SVIL: variants seen among roughly 807,000 people sequenced by gnomAD.
SVIL encodes supervillin.
In SVIL, 101 loss-of-function variants were observed where a neutral mutation model predicts 240.4. The observed-to-expected ratio is 0.42, with a 90% CI of 0.36 to 0.50. The LOEUF (loss-of-function observed/expected upper bound fraction) is 0.50, where lower values mean the gene tolerates loss of function less well. Among genes scored for constraint, SVIL ranks in the 20% least tolerant of loss-of-function variants. The pLI, the probability that SVIL is intolerant of heterozygous loss-of-function variation, is 0.01. For synonymous variants in SVIL, 999 were observed against 1,100.0 expected, an observed-to-expected ratio of 0.91 and a Z score of 1.82; for missense variants, 2,512 against 2,818.7, an observed-to-expected ratio of 0.89 and a Z score of 2.46.
chr10:29,721,709 A>G (rs897380596), intron 1 of SVIL, among the ~76,000 whole-genome samples: 3 of 152,354 alleles, frequency 2.0e-5, no homozygotes, highest in Admixed American at 6.5e-5. Context: ...ATCCAAATAC[A>G]TGAAGCAAAA....
At chr10:29,597,665 G>T (rs1233895792) in intron 1 of SVIL, among the ~76,000 whole-genome samples, 1 of 152,112 alleles carries the variant, frequency 6.6e-6, no homozygotes, top group Admixed American at 6.5e-5. Flanking sequence ...CTCCCAAAGT[G>T]CTGGGATTAC....
rs938488084 is a variant in SVIL, at chr10:29,529,781, C to G, written c.2170G>C (p.Glu724Gln). ...PKRRSRNTAV[E>Q]QRLRRLQDRS... ...TCCTGCAGACGGCGTAGCCTCTGCTCCACAGCTGTGTTTCTTGAGCGTCGC... is the reference window on the plus strand; with the variant it reads ...TCCTGCAGACGGCGTAGCCTCTGCTGCACAGCTGTGTTTCTTGAGCGTCGC... The change falls in exon 12 of 38, where the codon GAG (glutamate) becomes CAG (glutamine). Residue 724 changes from glutamate to glutamine, a missense_variant. Glu to Gln is a conservative substitution (Grantham distance 29). Coordinates refer to ENST00000355867, the MANE Select transcript of SVIL (RefSeq NM_021738.3). 6.8e-6 allele frequency: 11 copies of G among 1,613,506 alleles called. No individual in the cohort carries two copies. The African/African-American group carries it at 1.3e-4, about 20-fold the overall frequency.
intron 22 of SVIL, among the ~76,000 whole-genome samples, chr10:29,489,290 T>A (rs576452987): frequency 6.6e-6 from 1 of 152,330 alleles, no homozygotes; most frequent in Non-Finnish European, 1.5e-5. Flanking sequence ...AAGACTGTAG[T>A]TATAAGATGG....
At chr10:29,535,631 G>A (rs571601242) in intron 7 of SVIL, among the ~76,000 whole-genome samples, 13 of 152,200 alleles carry the variant, frequency 8.5e-5, no homozygotes, top group Admixed American at 1.3e-4. Context: ...ATGGGACGCC[G>A]GCTAGCGAGT....
At chr10:29,518,303 G>A (rs1018726870) in intron 16 of SVIL, among the ~76,000 whole-genome samples, 55 of 151,658 alleles carry the variant, frequency 3.6e-4, no homozygotes, top group Admixed American at 2.6e-3. Context: ...CAGGAGAATC[G>A]CTTGAACCCA....
At chr10:29,550,457 AAG>A (rs1554849072) in intron 6 of SVIL, 138 bp downstream of exon 6, 3 of 1,114,784 alleles carry the variant, frequency 2.7e-6, no homozygotes, top group Non-Finnish European at 3.7e-6. Context: ...AAAAAAAAAA[AAG>A]AATCATATAC....
chr10:29,486,094 T>C lies in SVIL; in HGVS notation c.4770A>G (p.Gln1590=). Residue 1590 remains glutamine (Q), a synonymous_variant, in exon 26 of 38, where the codon CAA becomes CAG. Transcript: ENST00000355867. ...AGCCCACGGACTGTACCTCTTTGGGTTGCAGAAGGGAGCACTTCGGAATTT... is the reference window on the plus strand; with the variant it reads ...AGCCCACGGACTGTACCTCTTTGGGCTGCAGAAGGGAGCACTTCGGAATTT... ...WGKIPKCSLL[Q]PKEVLVFDFG... is the part of the protein sequence containing the mutation. 3.1e-6 allele frequency: 5 copies of C among 1,614,232 alleles called. No individual in the cohort carries two copies. The highest frequency in any genetic ancestry group is 4.2e-6 in the Non-Finnish European group (5 of 1,180,054).
chr10:29,659,574 T>C (rs1223752660), intron 2 of SVIL, among the ~76,000 whole-genome samples: 1 of 152,122 alleles, frequency 6.6e-6, no homozygotes, highest in Non-Finnish European at 1.5e-5. Flanking sequence ...ATGGGGTTCA[T>C]CTCCAGAAGC....
rs752625963 is a variant in SVIL, at chr10:29,486,447, G to C, written c.4596C>G (p.Asp1532Glu). 1 of 1,614,096 alleles carries C rather than the reference G, an allele frequency of 6.2e-7. No individual in the cohort carries two copies. The highest frequency in any genetic ancestry group is 1.7e-5 in the Admixed American group (1 of 60,008). Residue 1532 changes from aspartate (D) to glutamate (E), a missense_variant, in exon 25 of 38, where the codon GAC (aspartate) becomes GAG (glutamate). Asp to Glu is a conservative substitution (Grantham distance 45, BLOSUM62 2). Around this residue, in one of 3 missense-constraint regions of SVIL, gnomAD observed 797 missense variants for 925.3 expected, o/e 0.86. Transcript: ENST00000355867. ...TTTGGCCACCCAGAAGCTTCCAGAA[G>C]TCTTTGGCTGCATGAGTGTGTGTAT... ...GINTHTHAAK[D>E]FWKLLGGQTS...
At chr10:29,727,297 G>T (rs1230619104) in intron 1 of SVIL, among the ~76,000 whole-genome samples, 2 of 152,118 alleles carry the variant, frequency 1.3e-5, no homozygotes, top group Non-Finnish European at 2.9e-5. Flanking sequence ...GCTCCAGTCT[G>T]TACTAACATT....
intron 1 of SVIL, among the ~76,000 whole-genome samples, chr10:29,591,276 C>T (rs1219943178): frequency 6.6e-6 from 1 of 152,208 alleles, no homozygotes; most frequent in Non-Finnish European, 1.5e-5. Flanking sequence ...GGCTGTCATT[C>T]TCACCTTGAC....
chr10:29,572,271 C>T (rs1442289244), intron 1 of SVIL, among the ~76,000 whole-genome samples: 4 of 152,006 alleles, frequency 2.6e-5, no homozygotes, highest in South Asian at 4.1e-4. Context: ...AAACTCATTA[C>T]ATTATAGTCA....
At chr10:29,734,339 C>G (rs1964777144) in intron 1 of SVIL, among the ~76,000 whole-genome samples, 1 of 152,180 alleles carries the variant, frequency 6.6e-6, no homozygotes, top group Admixed American at 6.5e-5. Context: ...CAAACCTGAA[C>G]CCCGGGGTAC....
intron 2 of SVIL, among the ~76,000 whole-genome samples, chr10:29,682,717 A>C (rs770003083): frequency 6.6e-6 from 1 of 152,234 alleles, no homozygotes; most frequent in Admixed American, 6.5e-5. Context: ...GTTACAATTC[A>C]GATATGCTTT....
chr10:29,630,881 C>T (rs894612927), intron 1 of SVIL, among the ~76,000 whole-genome samples: 2 of 152,090 alleles, frequency 1.3e-5, no homozygotes, highest in African/African-American at 4.8e-5. Context: ...CAATTCAATC[C>T]GTTCAAACAA....
At chr10:29,602,123 C>T (rs1956833376) in intron 1 of SVIL, 2 of 361,954 alleles carry the variant, frequency 5.5e-6, no homozygotes, top group Non-Finnish European at 1.1e-5. Context: ...TTGCTTTTAA[C>T]AATTTATGGA....
intron 1 of SVIL, among the ~76,000 whole-genome samples, chr10:29,583,820 A>G (rs371154391): frequency 6.6e-6 from 1 of 152,246 alleles, no homozygotes; most frequent in South Asian, 2.1e-4. Context: ...AATCAAAGGC[A>G]CATTCCACAC....
In SVIL at chr10:29,735,430, C is replaced by T. The variant is rs961280225; in HGVS notation, c.-400+321G>A. Among the ~76,000 whole-genome samples, 2 of 152,006 alleles carry T rather than the reference C, an allele frequency of 1.3e-5. No homozygotes were observed. Among genetic ancestry groups the T allele is most frequent in the Non-Finnish European group, 2.9e-5 (2 of 67,980 alleles). ...CTTCCCGAAACTCCGCGGAGAGAAA[C>T]CCTGCCCCGGCCCGCTCCTCCCCGA... On this transcript the variant is annotated intron_variant, in intron 1 of 35. Coordinates refer to the SVIL transcript ENST00000375400. This position sits in a 1 kb window ranked among gnomAD's most constrained non-coding sequence, Gnocchi z 4.1.
chr10:29,685,766 A>G (rs1208965856), intron 2 of SVIL, among the ~76,000 whole-genome samples: 1 of 152,132 alleles, frequency 6.6e-6, no homozygotes, highest in African/African-American at 2.4e-5. Context: ...CTCCAAAGGG[A>G]GGAGAGTGTA....
Sources: allele counts gnomAD v4.1 joint callset (sites outside exome capture counted in the v4.1 genomes callset), GRCh38; gene constraint gnomAD v4.1.1; regional missense constraint gnomAD v4.1.1; non-coding constraint Gnocchi (gnomAD v3.1); transcripts MANE v1.5; gene names NCBI Gene and HGNC (gene_info 2026-07-23, HGNC 2026-07-21).